MMAB: variants seen among roughly 807,000 people sequenced by gnomAD.
MMAB encodes the protein corrinoid adenosyltransferase MMAB.
MMAB carries 17 observed loss-of-function variants against 30.6 expected under a neutral mutation model. The ratio of observed to expected loss-of-function variants is 0.56; its 90% CI spans 0.38 to 0.83. The LOEUF (loss-of-function observed/expected upper bound fraction) is 0.83. Ranked by LOEUF, MMAB falls within the 40% of genes least tolerant of loss-of-function variation. The pLI is 0.00. For synonymous variants in MMAB, 134 were observed against 138.6 expected, an observed-to-expected ratio of 0.97 and a Z score of 0.23; for missense variants, 311 against 331.6, an observed-to-expected ratio of 0.94 and a Z score of 0.48.
rs991736631 is a variant in MMAB, at chr12:109,558,321, C to T, written c.644+775G>A. On this transcript the variant is annotated intron_variant, in intron 8 of 8. Transcript: ENST00000545712. This position sits in a 1 kb window ranked among gnomAD's most constrained non-coding sequence, Gnocchi z 4.3. The stretch of plus-strand genomic sequence containing the variant: ...GTGAAGTAGACCTGCTCCTCACTCC[C>T]GGCGAAACCCCCCTCCCAGAAGGAA... Among the ~76,000 whole-genome samples, 12 of 152,136 alleles carry T rather than the reference C, an allele frequency of 7.9e-5. No individual in the cohort carries two copies. The highest frequency in any genetic ancestry group is 1.7e-4 in the African/African-American group (7 of 41,420).
At chr12:109,567,050 G>A (rs1249475447) in intron 3 of MMAB, 1 of 455,942 alleles carries the variant, frequency 2.2e-6, no homozygotes, top group South Asian at 1.5e-5. Context: ...GCCAGGAACA[G>A]GTAAGTGTTA....
chr12:109,564,556 A>ATTT (rs146815107), intron 4 of MMAB, among the ~76,000 whole-genome samples: 140 of 126,996 alleles, frequency 1.1e-3, no homozygotes, highest in African/African-American at 3.9e-3. Context: ...GCTAATTTTT[A>ATTT]ATTTTTTTTT....
At position 109,561,707 on chromosome 12, in the gene MMAB, TC is replaced by T; in HGVS notation, c.421+72del. The T allele has an allele frequency of 7.0e-7, 1 of 1,432,016 alleles. No individual in the cohort carries two copies. The highest frequency in any genetic ancestry group is 9.6e-7 in the Non-Finnish European group (1 of 1,037,656). The allele number at this position is 1,432,016 out of a possible 1,614,324, so 88.7% of individuals were successfully genotyped here. On this transcript the variant is annotated intron_variant, in intron 5 of 8. Transcript: ENST00000545712. The surrounding 1 kb of genome is among the most constrained non-coding windows in gnomAD (Gnocchi z 5.3). ...CCCGTGGGTCCCTGGGGGCCTGGGATCCCAGATGGTGACCCTAGGAGAGTCC... is the reference window on the plus strand; with the variant it reads ...CCCGTGGGTCCCTGGGGGCCTGGGATCCAGATGGTGACCCTAGGAGAGTCC...
In MMAB at chr12:109,557,225, G is replaced by A. The variant is rs539399089; in HGVS notation, c.645-89C>T. 536 of 928,986 alleles carry A rather than the reference G, an allele frequency of 5.8e-4. 1 individual carries two copies. Among genetic ancestry groups the A allele is most frequent in the Non-Finnish European group, 7.7e-4 (434 of 565,652 alleles). 57.5% of individuals were successfully genotyped at this position (928,986 alleles called of 1,614,324 possible). The stretch of plus-strand genomic sequence containing the variant: ...GTCTTCCCATATCCGCCTACAAGGA[G>A]GAGATATAAATGACGCACTCTGGGC... On this transcript the variant is annotated intron_variant, in intron 8 of 8. Transcript: ENST00000545712.
rs1407228725 is a variant in MMAB at position 109,556,185 on chromosome 12, T to TA, written c.*842dup. 1 of 453,934 alleles carries TA rather than the reference T, an allele frequency of 2.2e-6. No homozygotes were observed. Among genetic ancestry groups the TA allele is most frequent in the Non-Finnish European group, 4.4e-6 (1 of 226,750 alleles). The allele number at this position is 453,934 out of a possible 1,614,324, so 28.1% of individuals were successfully genotyped here. Reference sequence around the variant, plus strand: ...AGCCGTGGCACCGATCTCAGAGGCATAAGCCAGCCAAGTGCAACATCGGAG... The same window carrying TA: ...AGCCGTGGCACCGATCTCAGAGGCATAAAGCCAGCCAAGTGCAACATCGGAG... On this transcript the variant is annotated 3_prime_UTR_variant, in exon 9 of 9. Transcript: ENST00000545712.
In MMAB at chr12:109,557,094, C is replaced by G; in HGVS notation, c.687G>C (p.Met229Ile). ...ATATTTTCTCTTGATTCCCCTCCTTCATGGCTGCATATCTGGCTAGCGTGA... is the reference window on the plus strand; with the variant it reads ...ATATTTTCTCTTGATTCCCCTCCTTGATGGCTGCATATCTGGCTAGCGTGA... ...YLFTLARYAAMKEGNQEKIYM... is the reference protein window; with the variant it reads ...YLFTLARYAAIKEGNQEKIYM... The change falls in exon 9 of 9, where the codon ATG (methionine) becomes ATC (isoleucine). Residue 229 changes from methionine to isoleucine, a missense_variant. Met to Ile is a conservative substitution (Grantham distance 10). Coordinates refer to ENST00000545712, the MANE Select transcript of MMAB (RefSeq NM_052845.4). 1 of 1,613,964 alleles carries G rather than the reference C, an allele frequency of 6.2e-7. No individual in the cohort carries two copies. Among genetic ancestry groups the G allele is most frequent in the Non-Finnish European group, 8.5e-7 (1 of 1,179,800 alleles).
rs777479209 is a variant in MMAB, at chr12:109,556,853, T to C, written c.*175A>G. ...GGTCAGGGACAGAATCCCCAAAGGG[T>C]CACAGTCCCTTGAGGAAGGTGGCAA... is the stretch of plus-strand genomic sequence containing the variant. On this transcript the variant is annotated 3_prime_UTR_variant, in exon 9 of 9. Coordinates refer to ENST00000545712, the MANE Select transcript of MMAB (RefSeq NM_052845.4). The C allele has an allele frequency of 4.4e-6, 3 of 684,858 alleles. No individual in the cohort carries two copies. The South Asian group carries it at 4.5e-5, about 10-fold the overall frequency. The allele number at this position is 684,858 out of a possible 1,614,324, so 42.4% of individuals were successfully genotyped here. A position where few individuals can be genotyped will look rare whatever the true frequency, so the allele number is the denominator to read the frequency against.
chr12:109,571,083 G>A (rs1884613918), intron 2 of MMAB, among the ~76,000 whole-genome samples: 1 of 152,056 alleles, frequency 6.6e-6, no homozygotes, highest in African/African-American at 2.4e-5. Context: ...AGTCCCAGGT[G>A]TAACCTTTCA....
chr12:109,572,441 C>T (rs1036308218), intron 1 of MMAB, among the ~76,000 whole-genome samples: 5 of 134,848 alleles, frequency 3.7e-5, no homozygotes, highest in Middle Eastern at 4.4e-3. Context: ...TTGGTAGAGA[C>T]GGGTTTCACC....
chr12:109,561,052 C>A lies in MMAB; in HGVS notation c.572G>T (p.Arg191Leu). The stretch of plus-strand genomic sequence containing the variant: ...CCAGCCCTCTTACCGTCTCTCGGCC[C>A]GGCGGCACACGGCCCGGCAGAAATG... ...ALHFCRAVCR[R>L]AERRVVPLVQ... is the part of the protein sequence containing the mutation. Residue 191 changes from arginine to leucine, a missense_variant, in exon 7 of 9, where the codon CGG becomes CTG. By Grantham distance (102) the Arg-to-Leu change is moderately radical. Transcript: ENST00000545712. The surrounding 1 kb of genome is among the most constrained non-coding windows in gnomAD (Gnocchi z 5.3). 6.2e-7 allele frequency: 1 copy of A among 1,610,442 alleles called. No homozygotes were observed. The highest frequency in any genetic ancestry group is 8.5e-7 in the Non-Finnish European group (1 of 1,179,898).
intron 3 of MMAB, 150 bp from the exon 4 acceptor site, chr12:109,565,326 TAGCC>T: frequency 1.4e-6 from 1 of 709,612 alleles, no homozygotes. Context: ...AAGAACATTA[TAGCC>T]TTCCATTTGG....
intron 2 of MMAB, among the ~76,000 whole-genome samples, chr12:109,571,008 A>G (rs1884612247): frequency 6.6e-6 from 1 of 152,206 alleles, no homozygotes; most frequent in Non-Finnish European, 1.5e-5. Context: ...ATAGAATAAA[A>G]GTATGTAAAT....
chr12:109,563,621 TGAG>T (rs1884295486), intron 4 of MMAB, among the ~76,000 whole-genome samples: 1 of 152,168 alleles, frequency 6.6e-6, no homozygotes, highest in African/African-American at 2.4e-5. Flanking sequence ...GGAAGGCCCT[TGAG>T]GAGGTGACGT....
At chr12:109,562,796 C>T (rs532531727) in intron 4 of MMAB, among the ~76,000 whole-genome samples, 5 of 152,296 alleles carry the variant, frequency 3.3e-5, no homozygotes, top group African/African-American at 1.2e-4. Context: ...GGCCTGTGCT[C>T]TGTCCAGGTG....
rs538702791 is a variant in MMAB at position 109,556,318 on chromosome 12, G to A, written c.*710C>T. The A allele has an allele frequency of 2.7e-4, 123 of 453,574 alleles. No homozygotes were observed. Among genetic ancestry groups the A allele is most frequent in the South Asian group, 1.7e-3 (112 of 64,462 alleles). 28.1% of individuals were successfully genotyped at this position (453,574 alleles called of 1,614,324 possible). ...GACTCAGTCCAACCAGACAGGGAAT[G>A]TTCACCTTCAAGTGGTAGTGTTGTT... is the stretch of plus-strand genomic sequence containing the variant. On this transcript the variant is annotated 3_prime_UTR_variant, in exon 9 of 9. Coordinates refer to ENST00000545712, the MANE Select transcript of MMAB (RefSeq NM_052845.4).
chr12:109,557,838 C>T (rs2136193328), intron 8 of MMAB, among the ~76,000 whole-genome samples: 1 of 152,254 alleles, frequency 6.6e-6, no homozygotes, highest in Admixed American at 6.5e-5. Flanking sequence ...GAGCCCAGCC[C>T]CTTTCCCGCC....
Position 109,561,390 on chromosome 12 carries a change from C to G in MMAB, c.519+30G>C, listed in dbSNP as rs534465410. ...GTCTGTCACTGAACCTGCCTGCAGC[C>G]GCCCCCGGTTAAGCCTGCCCAGTAC... On this transcript the variant is annotated intron_variant, in intron 6 of 8. Coordinates refer to ENST00000545712, the MANE Select transcript of MMAB (RefSeq NM_052845.4). This position sits in a 1 kb window ranked among gnomAD's most constrained non-coding sequence, Gnocchi z 5.3. The G allele has an allele frequency of 1.0e-5, 16 of 1,547,750 alleles. No homozygotes were observed. Among genetic ancestry groups the G allele is most frequent in the Non-Finnish European group, 1.3e-5 (15 of 1,145,518 alleles).
At position 109,556,293 on chromosome 12, in the gene MMAB, G is replaced by C. The variant is rs975389473; in HGVS notation, c.*735C>G. 1 of 453,836 alleles carries C rather than the reference G, an allele frequency of 2.2e-6. No individual in the cohort carries two copies. Among genetic ancestry groups the C allele is most frequent in the African/African-American group, 2.0e-5 (1 of 49,962 alleles). The allele number at this position is 453,836 out of a possible 1,614,324, so 28.1% of individuals were successfully genotyped here. On this transcript the variant is annotated 3_prime_UTR_variant, in exon 9 of 9. Transcript: ENST00000545712. Reference sequence around the variant, plus strand: ...TGAAGATGCTGCACCGCAGACCCTTGACTCAGTCCAACCAGACAGGGAATG... The same window carrying C: ...TGAAGATGCTGCACCGCAGACCCTTCACTCAGTCCAACCAGACAGGGAATG...
At chr12:109,568,935 A>G (rs1190544135) in intron 2 of MMAB, 72 bp from the exon 3 acceptor site, 3 of 1,084,458 alleles carry the variant, frequency 2.8e-6, no homozygotes, top group African/African-American at 3.1e-5. Context: ...TTTTTTTTAA[A>G]CTTTCAAAGA....
Sources: allele counts gnomAD v4.1 joint callset (sites outside exome capture counted in the v4.1 genomes callset), GRCh38; gene constraint gnomAD v4.1.1; non-coding constraint Gnocchi (gnomAD v3.1); transcripts MANE v1.5; gene names NCBI Gene and HGNC (gene_info 2026-07-23, HGNC 2026-07-21).